The following PCDHA3 variants were observed in gnomAD, a reference collection of about 807,000 sequenced individuals.
The protein encoded by PCDHA3 is protocadherin alpha 3.
Under a neutral mutation model 62.2 loss-of-function variants are expected in PCDHA3, and 41 were observed. The observed-to-expected ratio is 0.66, with a 90% CI of 0.51 to 0.86. The LOEUF is 0.86. PCDHA3 is among the 40% of genes least tolerant of loss of function. The pLI, the probability that PCDHA3 is intolerant of heterozygous loss-of-function variation, is 0.00. For synonymous variants in PCDHA3, 640 were observed against 555.4 expected (o/e 1.15, Z -2.14); for missense variants, 1,304 against 1,241.2 (o/e 1.05, Z -0.76).
At chr5:140,973,984 C>CT (rs2096610197) in intron 1 of PCDHA3, among the ~76,000 whole-genome samples, 1 of 152,186 alleles carries the variant, frequency 6.6e-6, no homozygotes, top group East Asian at 1.9e-4. Flanking sequence ...TTTTACAGAA[C>CT]TTCACCTGGA....
At chr5:140,849,664 C>A (rs2150444192) in intron 1 of PCDHA3, 1 of 1,598,668 alleles carries the variant, frequency 6.3e-7, no homozygotes, top group African/African-American at 1.3e-5. Context: ...TGCTCCCTGA[C>A]GCCCCACGTC....
At chr5:140,883,080 A>T in intron 1 of PCDHA3, 1 of 1,614,140 alleles carries the variant, frequency 6.2e-7, no homozygotes, top group Non-Finnish European at 8.5e-7. Flanking sequence ...GATCCTGATG[A>T]TGGTACAAAT....
chr5:140,986,401 C>T (rs782437347), intron 3 of PCDHA3, among the ~76,000 whole-genome samples: 1 of 152,172 alleles, frequency 6.6e-6, no homozygotes. Context: ...GCCAGTCGCT[C>T]ATGTTACAGC....
intron 1 of PCDHA3, chr5:140,927,599 C>T (rs1250728851): frequency 6.2e-7 from 1 of 1,614,070 alleles, no homozygotes; most frequent in African/African-American, 1.3e-5. Context: ...TTTGAGCGCT[C>T]CGTATACCGC....
chr5:140,879,470 T>C (rs73793510), intron 1 of PCDHA3, among the ~76,000 whole-genome samples: 2,106 of 152,256 alleles, frequency 0.014, 41 homozygotes, highest in African/African-American at 0.048. Flanking sequence ...GAGAATACCG[T>C]TGTGATTGGA....
intron 1 of PCDHA3, chr5:140,926,694 G>T: frequency 4.0e-6 from 3 of 746,722 alleles, no homozygotes; most frequent in Non-Finnish European, 5.8e-6. Flanking sequence ...TAGCAAGCCC[G>T]GCTCCCAGCT....
At position 140,876,399 on chromosome 5, in the gene PCDHA3, T is replaced by C. The variant is rs141337647; in HGVS notation, c.2394+72808T>C. The C allele has an allele frequency of 1.9e-4, 306 of 1,613,906 alleles. 1 individual carries two copies. In the African/African-American group the frequency reaches 3.4e-3, roughly 18 times the overall value. On this transcript the variant is annotated intron_variant, in intron 1 of 3. Transcript: ENST00000522353. Reference sequence around the variant, plus strand: ...AAATTAGAATTTATGGTGAACTGGATTTTGAAGAGAATAATGCCTATGAAA... The same window carrying C: ...AAATTAGAATTTATGGTGAACTGGACTTTGAAGAGAATAATGCCTATGAAA...
chr5:140,891,148 A>C (rs913917156), intron 1 of PCDHA3, among the ~76,000 whole-genome samples: 2 of 151,726 alleles, frequency 1.3e-5, no homozygotes, highest in Non-Finnish European at 2.9e-5. Flanking sequence ...TATTCTGTTT[A>C]TTTTCCTTTG....
At chr5:140,831,422 C>A (rs1252502476) in intron 1 of PCDHA3, among the ~76,000 whole-genome samples, 1 of 151,184 alleles carries the variant, frequency 6.6e-6, no homozygotes, top group East Asian at 1.9e-4. Context: ...TACAGTGGTG[C>A]AATAATGGCT....
intron 1 of PCDHA3, among the ~76,000 whole-genome samples, chr5:140,913,872 G>A (rs2076493472): frequency 6.6e-6 from 1 of 151,980 alleles, no homozygotes; most frequent in Non-Finnish European, 1.5e-5. Flanking sequence ...TAATTTCCAT[G>A]TGTTCATGTA....
At chr5:140,921,367 T>C (rs1165325497) in intron 1 of PCDHA3, among the ~76,000 whole-genome samples, 1 of 152,182 alleles carries the variant, frequency 6.6e-6, no homozygotes, top group African/African-American at 2.4e-5. Context: ...TCAAGTTTCA[T>C]ATTTCTACAT....
intron 1 of PCDHA3, chr5:140,808,146 T>C (rs1764107418): frequency 1.9e-6 from 3 of 1,614,126 alleles, no homozygotes; most frequent in African/African-American, 1.3e-5. Context: ...GAAATTATTG[T>C]AGAGGGCATT....
intron 1 of PCDHA3, chr5:140,870,529 G>A (rs2052113654): frequency 6.2e-7 from 1 of 1,614,096 alleles, no homozygotes. Context: ...CATCTTCACA[G>A]TGTCGGCGCG....
At chr5:140,920,548 C>T (rs1222470517) in intron 1 of PCDHA3, among the ~76,000 whole-genome samples, 5 of 152,186 alleles carry the variant, frequency 3.3e-5, no homozygotes, top group Admixed American at 6.5e-5. Context: ...ATTTCACCTT[C>T]GAAGTGTGGC....
intron 1 of PCDHA3, among the ~76,000 whole-genome samples, chr5:140,885,299 G>A (rs904206700): frequency 3.9e-5 from 6 of 152,042 alleles, no homozygotes; most frequent in African/African-American, 1.4e-4. Context: ...GAGAGACCTG[G>A]TAGGCTTTTT....
In PCDHA3 at chr5:140,928,891, T is replaced by A. The variant is rs1299939193; in HGVS notation, c.2395-50058T>A. On this transcript the variant is annotated intron_variant, in intron 1 of 3. Coordinates refer to ENST00000522353, the MANE Select transcript of PCDHA3 (RefSeq NM_018906.3). ...CTCTGTCCCTCAGTTACTTCCAGAC[T>A]TTGAAGATGTCTGGGAACCAGGAGG... 1.2e-6 allele frequency: 2 copies of A among 1,614,066 alleles called. No individual in the cohort carries two copies. The highest frequency in any genetic ancestry group is 2.7e-5 in the African/African-American group (2 of 74,942).
intron 1 of PCDHA3, chr5:140,863,201 C>T (rs782647654): frequency 2.2e-5 from 20 of 925,678 alleles, no homozygotes; most frequent in South Asian, 1.0e-4. Context: ...GCGTCGCTGG[C>T]GGAGAGCAGC....
chr5:140,923,461 A>G (rs530510417), intron 1 of PCDHA3, among the ~76,000 whole-genome samples: 97 of 152,204 alleles, frequency 6.4e-4, no homozygotes, highest in African/African-American at 2.2e-3. Context: ...CCAGAGAGGT[A>G]GGGGCTGCAG....
At chr5:140,918,897 C>A (rs1381764249) in intron 1 of PCDHA3, among the ~76,000 whole-genome samples, 1 of 152,196 alleles carries the variant, frequency 6.6e-6, no homozygotes, top group Admixed American at 6.5e-5. Context: ...AAAAATAAAT[C>A]TCTCTTGTTT....
Sources: allele counts gnomAD v4.1 joint callset (sites outside exome capture counted in the v4.1 genomes callset), GRCh38; gene constraint gnomAD v4.1.1; transcripts MANE v1.5; gene names NCBI Gene and HGNC (gene_info 2026-07-23, HGNC 2026-07-21).